DYNC2H1: variants seen among roughly 807,000 people sequenced by gnomAD.
The protein encoded by DYNC2H1 is dynein cytoplasmic 2 heavy chain 1, also known as cytoplasmic dynein 2 heavy chain 1.
In DYNC2H1, 410 loss-of-function variants were observed where a neutral mutation model predicts 570.0. That is an observed-to-expected ratio of 0.72 (90% CI 0.66 to 0.78). The LOEUF is 0.78. DYNC2H1 is among the 30% of genes least tolerant of loss of function. DYNC2H1 has a pLI of 0.00. For missense variants in DYNC2H1, 4,865 were observed against 5,046.4 expected, an observed-to-expected ratio of 0.96 and a Z score of 1.09; for synonymous variants, 1,688 against 1,677.6, an observed-to-expected ratio of 1.01 and a Z score of -0.15.
At chr11:103,469,102 G>A (rs185350868) in intron 88 of DYNC2H1, among the ~76,000 whole-genome samples, 1 of 152,306 alleles carries the variant, frequency 6.6e-6, no homozygotes. Flanking sequence ...ACTTTCAAAT[G>A]AGGAAACGTG....
At chr11:103,361,328 T>C (rs1336408703) in intron 83 of DYNC2H1, among the ~76,000 whole-genome samples, 2 of 152,172 alleles carry the variant, frequency 1.3e-5, no homozygotes, top group African/African-American at 2.4e-5. Context: ...TCAAAAAGAC[T>C]GCCATCTGTG....
At chr11:103,263,159 A>G (rs1174321204) in intron 70 of DYNC2H1, among the ~76,000 whole-genome samples, 1 of 152,158 alleles carries the variant, frequency 6.6e-6, no homozygotes, top group Admixed American at 6.5e-5. Context: ...AGAGCTAACT[A>G]TGCTAAATAT....
At chr11:103,359,527 C>T (rs1022821355) in intron 83 of DYNC2H1, among the ~76,000 whole-genome samples, 4 of 152,016 alleles carry the variant, frequency 2.6e-5, no homozygotes, top group African/African-American at 9.7e-5. Flanking sequence ...AAACTTTTTT[C>T]GATTATTATG....
chr11:103,120,368 C>A, intron 6 of DYNC2H1, 79 bp from the exon 7 acceptor site: 1 of 1,272,246 alleles, frequency 7.9e-7, no homozygotes, highest in Non-Finnish European at 1.0e-6. Flanking sequence ...AATTCTTGCC[C>A]AATATATCTA....
At chr11:103,162,949 ATTTAT>A (rs1319745801) in intron 29 of DYNC2H1, 74 bp from the exon 30 acceptor site, 1 of 1,297,136 alleles carries the variant, frequency 7.7e-7, no homozygotes. Context: ...TAGATTGTAT[ATTTAT>A]TTTATGTCTT....
chr11:103,315,231 G>A (rs1400398219), intron 79 of DYNC2H1, among the ~76,000 whole-genome samples: 1 of 151,982 alleles, frequency 6.6e-6, no homozygotes, highest in African/African-American at 2.4e-5. Flanking sequence ...GAAAATTCAC[G>A]TATTCTGGAT....
At chr11:103,400,083 A>G (rs1942574568) in intron 84 of DYNC2H1, among the ~76,000 whole-genome samples, 1 of 152,224 alleles carries the variant, frequency 6.6e-6, no homozygotes, top group Non-Finnish European at 1.5e-5. Context: ...AATTGTCATT[A>G]GCATGTCAGT....
At chr11:103,323,051 C>T (rs313393) in intron 81 of DYNC2H1, among the ~76,000 whole-genome samples, 66,525 of 151,990 alleles carry the variant, frequency 0.44, 15,791 homozygotes, top group Admixed American at 0.57. Context: ...GGTCAGCTGC[C>T]AAGGATAAGA....
At chr11:103,278,386 CTAATTAT>C (rs777616522) in intron 70 of DYNC2H1, among the ~76,000 whole-genome samples, 11 of 152,052 alleles carry the variant, frequency 7.2e-5, no homozygotes, top group Non-Finnish European at 1.5e-4. Flanking sequence ...ATTATCTAAT[CTAATTAT>C]TAAAATAATG....
intron 73 of DYNC2H1, among the ~76,000 whole-genome samples, chr11:103,284,417 G>T (rs1272693347): frequency 6.6e-6 from 1 of 152,176 alleles, no homozygotes; most frequent in African/African-American, 2.4e-5. Flanking sequence ...GGAATGACAG[G>T]TGTATTAAGA....
intron 65 of DYNC2H1, among the ~76,000 whole-genome samples, chr11:103,251,512 A>G (rs1000616406): frequency 6.6e-6 from 1 of 152,144 alleles, no homozygotes; most frequent in Non-Finnish European, 1.5e-5. Flanking sequence ...ATATCTATCA[A>G]TTTACACAGC....
At chr11:103,376,130 A>G (rs1335237431) in intron 83 of DYNC2H1, among the ~76,000 whole-genome samples, 1 of 152,178 alleles carries the variant, frequency 6.6e-6, no homozygotes, top group African/African-American at 2.4e-5. Flanking sequence ...GCTGGCACTC[A>G]TTCTCTCTCC....
At chr11:103,424,313 T>C (rs1038365045) in intron 84 of DYNC2H1, among the ~76,000 whole-genome samples, 4 of 152,120 alleles carry the variant, frequency 2.6e-5, no homozygotes, top group African/African-American at 7.2e-5. Flanking sequence ...GCTTGATTGG[T>C]TTATAGCTTA....
chr11:103,210,067 G>A, intron 53 of DYNC2H1, 107 bp downstream of exon 53: 1 of 1,229,426 alleles, frequency 8.1e-7, no homozygotes, highest in Non-Finnish European at 1.0e-6. Context: ...TTTGAATAAT[G>A]CTAAGTGTAA....
At chr11:103,380,534 C>CT (rs918680577) in intron 83 of DYNC2H1, among the ~76,000 whole-genome samples, 5 of 151,790 alleles carry the variant, frequency 3.3e-5, no homozygotes, top group Admixed American at 2.6e-4. Context: ...TCAGGGAAGA[C>CT]TTTTTTTTGG....
intron 85 of DYNC2H1, among the ~76,000 whole-genome samples, chr11:103,443,145 T>G (rs1944321558): frequency 6.6e-6 from 1 of 151,986 alleles, no homozygotes; most frequent in Non-Finnish European, 1.5e-5. Context: ...CTATCAAAAT[T>G]TTTTATTATT....
At chr11:103,114,406 T>C (rs915245026) in intron 3 of DYNC2H1, among the ~76,000 whole-genome samples, 168 bp downstream of exon 3, 1 of 152,180 alleles carries the variant, frequency 6.6e-6, no homozygotes, top group Admixed American at 6.5e-5. Flanking sequence ...GAGGAAAATA[T>C]AATTGTTAAT....
chr11:103,189,641 C>G lies in DYNC2H1; in HGVS notation c.7293-31C>G. 6.2e-7 allele frequency: 1 copy of G among 1,601,164 alleles called. No homozygotes were observed. Among genetic ancestry groups the G allele is most frequent in the Non-Finnish European group, 8.5e-7 (1 of 1,172,616 alleles). On this transcript the variant is annotated intron_variant, in intron 44 of 88. Transcript: ENST00000375735. The surrounding 1 kb of genome is among the most constrained non-coding windows in gnomAD (Gnocchi z 4.3). ...ATTAATTTGGAATACTGATTTATTTCAGCTTTCTTCTTATATGCCATTTTT... is the reference window on the plus strand; with the variant it reads ...ATTAATTTGGAATACTGATTTATTTGAGCTTTCTTCTTATATGCCATTTTT...
chr11:103,111,765 T>A (rs1484623951), intron 1 of DYNC2H1, among the ~76,000 whole-genome samples: 1 of 152,216 alleles, frequency 6.6e-6, no homozygotes, highest in Non-Finnish European at 1.5e-5. Flanking sequence ...TACACTTCGC[T>A]ACAGGTTTTT....
Sources: allele counts gnomAD v4.1 joint callset (sites outside exome capture counted in the v4.1 genomes callset), GRCh38; gene constraint gnomAD v4.1.1; non-coding constraint Gnocchi (gnomAD v3.1); transcripts MANE v1.5; gene names NCBI Gene and HGNC (gene_info 2026-07-23, HGNC 2026-07-21).